Variants in FLT1 observed in about 807,000 individuals in gnomAD.
The protein encoded by FLT1 is fms related receptor tyrosine kinase 1.
In FLT1, 49 loss-of-function variants were observed where a neutral mutation model predicts 156.3. The ratio of observed to expected loss-of-function variants is 0.31; its 90% confidence interval spans 0.25 to 0.40. FLT1 has a LOEUF of 0.40. Among genes scored for constraint, FLT1 ranks in the 10% least tolerant of loss-of-function variants. The pLI is 1.00. For missense variants in FLT1, 1,322 were observed against 1,637.2 expected, an observed-to-expected ratio of 0.81 and a Z score of 3.32; for synonymous variants, 594 against 583.8, an observed-to-expected ratio of 1.02 and a Z score of -0.25.
At chr13:28,420,243 T>C (rs2137526370) in intron 10 of FLT1, among the ~76,000 whole-genome samples, 1 of 152,208 alleles carries the variant, frequency 6.6e-6, no homozygotes, top group South Asian at 2.1e-4. Context: ...CATTCACTTT[T>C]GGCTTGTGAT....
chr13:28,467,490 A>G (rs763584800), intron 2 of FLT1, 31 bp downstream of exon 2: 7 of 1,428,654 alleles, frequency 4.9e-6, no homozygotes, highest in South Asian at 1.2e-5. Flanking sequence ...CATGGCAACT[A>G]GATTATTCCC....
chr13:28,403,388 C>A (rs1253403454), intron 11 of FLT1, among the ~76,000 whole-genome samples: 1 of 152,150 alleles, frequency 6.6e-6, no homozygotes, highest in African/African-American at 2.4e-5. Context: ...TTATCATGGG[C>A]ATGTTTTGAT....
rs753145554 is a variant in FLT1 at position 28,461,915 on chromosome 13, C to T, written c.388+4988G>A. Among the ~76,000 whole-genome samples, 4 of 152,124 alleles carry T rather than the reference C, an allele frequency of 2.6e-5. No individual in the cohort carries two copies. In the East Asian group the frequency reaches 5.8e-4, roughly 22 times the overall value. ...TGCGGAAAAATTTCTTATAAAAATG[C>T]TCCAACCCATTGACTTTAATAGAGC... On this transcript the variant is annotated intron_variant, in intron 3 of 29. Coordinates refer to ENST00000282397, the MANE Select transcript of FLT1 (RefSeq NM_002019.4).
chr13:28,466,913 T>C lies in FLT1; in HGVS notation c.378A>G (p.Ile126Met), dbSNP rs778479707. The C allele has an allele frequency of 6.2e-7, 1 of 1,602,968 alleles. No homozygotes were observed. The highest frequency in any genetic ancestry group is 2.2e-5 in the East Asian group (1 of 44,826). ...KKKETESAIYIFISDTGRPFV... is the reference protein window; with the variant it reads ...KKKETESAIYMFISDTGRPFV... Reference sequence around the variant, plus strand: ...AAATGGAAGTCTTACCACTAATAAATATATAGATTGCAGATTCTGTTTCCT... The same window carrying C: ...AAATGGAAGTCTTACCACTAATAAACATATAGATTGCAGATTCTGTTTCCT... The change falls in exon 3 of 30, where the codon ATA becomes ATG. Residue 126 changes from isoleucine to methionine, a missense_variant. Ile to Met is a conservative substitution (Grantham distance 10). This residue lies in a region of FLT1 where 991 missense variants were observed against 1,254.8 expected (regional missense o/e 0.79). Transcript: ENST00000282397.
chr13:28,424,752 T>C (rs1651318211), intron 10 of FLT1, among the ~76,000 whole-genome samples: 1 of 152,172 alleles, frequency 6.6e-6, no homozygotes, highest in African/African-American at 2.4e-5. Flanking sequence ...TTGAGAGTAA[T>C]GTGCATATAT....
chr13:28,422,818 A>G (rs538911297), intron 10 of FLT1, among the ~76,000 whole-genome samples: 1 of 152,336 alleles, frequency 6.6e-6, no homozygotes, highest in African/African-American at 2.4e-5. Flanking sequence ...CTGAGAAAAC[A>G]GTGATCTGCA....
intron 15 of FLT1, among the ~76,000 whole-genome samples, chr13:28,351,341 T>C (rs1411326616): frequency 1.3e-5 from 2 of 152,226 alleles, no homozygotes; most frequent in East Asian, 3.8e-4. Flanking sequence ...GTCTCCAGCA[T>C]TGACTCAGAG....
At chr13:28,304,258 A>G (rs948897928) in intron 29 of FLT1, among the ~76,000 whole-genome samples, 3 of 152,214 alleles carry the variant, frequency 2.0e-5, no homozygotes, top group African/African-American at 7.2e-5. Flanking sequence ...AAGAGCAAGT[A>G]TCCTACCTTC....
chr13:28,388,773 C>T (rs1874523677), intron 13 of FLT1: 1 of 1,058,936 alleles, frequency 9.4e-7, no homozygotes, highest in Non-Finnish European at 1.1e-6. Flanking sequence ...TTACAATAGC[C>T]TTTATTTCCT....
At chr13:28,402,981 T>C (rs1364232729) in intron 11 of FLT1, among the ~76,000 whole-genome samples, 1 of 151,984 alleles carries the variant, frequency 6.6e-6, no homozygotes, top group Non-Finnish European at 1.5e-5. Flanking sequence ...GGTTTTGCCA[T>C]ATTGGCCAGG....
In FLT1 at chr13:28,467,229, C is replaced by T. The variant is rs1879900628; in HGVS notation, c.162-100G>A. ...TTTTATTAGGAAGCGGAGGTCCTCT[C>T]TTAAGTGTAGTCATCTTCCTCTTTA... On this transcript the variant is annotated intron_variant, in intron 2 of 29. Coordinates refer to ENST00000282397, the MANE Select transcript of FLT1 (RefSeq NM_002019.4). The T allele has an allele frequency of 4.3e-5, 39 of 903,886 alleles. No individual in the cohort carries two copies. In the South Asian group the frequency reaches 5.1e-4, roughly 12 times the overall value. The allele number at this position is 903,886 out of a possible 1,614,324, so 56.0% of individuals were successfully genotyped here. A position where few individuals can be genotyped will look rare whatever the true frequency, so the allele number is the denominator to read the frequency against.
intron 15 of FLT1, among the ~76,000 whole-genome samples, chr13:28,349,074 A>C (rs940242988): frequency 3.9e-5 from 6 of 152,344 alleles, no homozygotes; most frequent in African/African-American, 1.4e-4. Context: ...GTATTCAACT[A>C]TGAACTGATG....
chr13:28,310,966 G>C (rs1022713878), intron 27 of FLT1, among the ~76,000 whole-genome samples: 3 of 152,138 alleles, frequency 2.0e-5, no homozygotes, highest in African/African-American at 7.2e-5. Context: ...TATTTGGTGC[G>C]ATAATTTTGG....
intron 25 of FLT1, 109 bp downstream of exon 25, chr13:28,317,389 G>A: frequency 1.3e-6 from 1 of 791,324 alleles, no homozygotes; most frequent in Non-Finnish European, 2.3e-6. Flanking sequence ...GAAGAACCTT[G>A]GCATCTTCCA....
In FLT1 at chr13:28,334,093, A is replaced by C. The variant is rs567933651; in HGVS notation, c.2525T>G (p.Val842Gly). ...SLGRGAFGKV[V>G]QASAFGIKKS... ...CTTAATGCCAAATGCTGATGCTTGAACCACTTTTCCAAAAGCCCCTCTTCC... is the reference window on the plus strand; with the variant it reads ...CTTAATGCCAAATGCTGATGCTTGACCCACTTTTCCAAAAGCCCCTCTTCC... Residue 842 changes from valine to glycine, a missense_variant, in exon 18 of 30, where the codon GTT (valine) becomes GGT (glycine). By Grantham distance (109) the Val-to-Gly change is moderately radical (BLOSUM62 -3). Coordinates refer to ENST00000282397, the MANE Select transcript of FLT1 (RefSeq NM_002019.4). 1 of 1,613,926 alleles carries C rather than the reference A, an allele frequency of 6.2e-7. No individual in the cohort carries two copies. Among genetic ancestry groups the C allele is most frequent in the South Asian group, 1.1e-5 (1 of 91,070 alleles).
chr13:28,317,642 G>T (rs370155620), intron 24 of FLT1, 45 bp from the exon 25 acceptor site: 1 of 1,238,144 alleles, frequency 8.1e-7, no homozygotes, highest in African/African-American at 1.5e-5. Flanking sequence ...TATGGCTTAA[G>T]GGTACAAAAG....
At chr13:28,303,503 C>A (rs972200223) in intron 29 of FLT1, 135 bp from the exon 30 acceptor site, 2 of 760,004 alleles carry the variant, frequency 2.6e-6, no homozygotes, top group South Asian at 1.6e-5. Flanking sequence ...CCCCCCCCCC[C>A]TCAATTGCTG....
chr13:28,419,828 G>A (rs1329096310), intron 10 of FLT1, among the ~76,000 whole-genome samples: 4 of 152,172 alleles, frequency 2.6e-5, no homozygotes, highest in African/African-American at 7.2e-5. Flanking sequence ...GCAGTGAGCC[G>A]AGATCGTGCC....
chr13:28,335,072 C>T (rs1256080732), intron 17 of FLT1, among the ~76,000 whole-genome samples: 1 of 152,046 alleles, frequency 6.6e-6, no homozygotes, highest in Non-Finnish European at 1.5e-5. Context: ...AGATTGATGC[C>T]CTTTAGGGAG....
Sources: gnomAD v4.1 joint callset for allele counts (sites outside exome capture counted in the v4.1 genomes callset) on GRCh38, gnomAD v4.1.1 for gene constraint, gnomAD v4.1.1 regional missense constraint, MANE v1.5 for transcripts, NCBI Gene and HGNC (gene_info 2026-07-23, HGNC 2026-07-21) for gene names.